CSMD3: variants seen among roughly 807,000 people sequenced by gnomAD.
CSMD3 encodes the protein CUB and sushi domain-containing protein 3.
CSMD3 carries 177 observed loss-of-function variants against 435.2 expected under a neutral mutation model. The observed-to-expected ratio is 0.41, with a 90% CI of 0.36 to 0.46. The LOEUF is 0.46. CSMD3 is among the 20% of genes least tolerant of loss of function. The pLI, the probability that CSMD3 is intolerant of heterozygous loss-of-function variation, is 0.34. For missense variants in CSMD3, 4,265 were observed against 4,504.6 expected, an observed-to-expected ratio of 0.95 and a Z score of 1.52; for synonymous variants, 1,656 against 1,520.5, an observed-to-expected ratio of 1.09 and a Z score of -2.07.
intron 22 of CSMD3, among the ~76,000 whole-genome samples, chr8:112,632,878 AAACAAGTGAT>A (rs1375278221): frequency 1.3e-5 from 2 of 151,826 alleles, no homozygotes; most frequent in African/African-American, 4.8e-5. Flanking sequence ...GTTGCCACTT[AAACAAGTGAT>A]CAGATATTCA....
At chr8:112,616,805 G>A (rs1833693814) in intron 22 of CSMD3, among the ~76,000 whole-genome samples, 1 of 152,154 alleles carries the variant, frequency 6.6e-6, no homozygotes, top group Admixed American at 6.6e-5. Flanking sequence ...CATGTATATT[G>A]AAGGGAAGGA....
intron 3 of CSMD3, among the ~76,000 whole-genome samples, chr8:113,208,421 T>C (rs944603896): frequency 1.3e-5 from 2 of 152,166 alleles, no homozygotes; most frequent in Admixed American, 6.6e-5. Context: ...GTAGATTGGA[T>C]GTACAGAGTA....
At chr8:112,899,662 T>TGCAC (rs2082054040) in intron 10 of CSMD3, among the ~76,000 whole-genome samples, 1 of 121,690 alleles carries the variant, frequency 8.2e-6, no homozygotes, top group African/African-American at 3.0e-5. Context: ...CGCAAATACA[T>TGCAC]ACACACACAC....
chr8:112,628,296 C>T (rs1273220780), intron 22 of CSMD3, among the ~76,000 whole-genome samples: 6 of 152,068 alleles, frequency 3.9e-5, no homozygotes, highest in Admixed American at 1.3e-4. Context: ...CATTTTCTCA[C>T]CATATTCAAT....
chr8:112,989,043 T>A (rs1205749199), intron 6 of CSMD3, among the ~76,000 whole-genome samples: 1 of 152,020 alleles, frequency 6.6e-6, no homozygotes, highest in Non-Finnish European at 1.5e-5. Context: ...AACAAGAATT[T>A]GTCGAGTGCT....
At chr8:112,610,874 T>C (rs138938461) in intron 22 of CSMD3, among the ~76,000 whole-genome samples, 7 of 152,288 alleles carry the variant, frequency 4.6e-5, no homozygotes, top group African/African-American at 1.4e-4. Flanking sequence ...TTGGCCAATG[T>C]ATTAAATATC....
intron 13 of CSMD3, among the ~76,000 whole-genome samples, chr8:112,753,470 G>A (rs1432235373): frequency 6.6e-6 from 1 of 152,152 alleles, no homozygotes; most frequent in Admixed American, 6.5e-5. Context: ...GCAGGGTCAG[G>A]GTTGATAGGC....
intron 22 of CSMD3, among the ~76,000 whole-genome samples, chr8:112,599,669 C>T (rs1832127904): frequency 6.6e-6 from 1 of 151,458 alleles, no homozygotes; most frequent in South Asian, 2.1e-4. Flanking sequence ...CACATATACA[C>T]CATGGAATAC....
chr8:113,286,137 C>T (rs574159641), intron 2 of CSMD3, among the ~76,000 whole-genome samples: 3 of 152,092 alleles, frequency 2.0e-5, no homozygotes, highest in African/African-American at 7.2e-5. Context: ...TTATGTTTTA[C>T]TAGACAAGAA....
At chr8:113,052,797 G>A (rs956349390) in intron 5 of CSMD3, among the ~76,000 whole-genome samples, 1 of 152,138 alleles carries the variant, frequency 6.6e-6, no homozygotes, top group Non-Finnish European at 1.5e-5. Context: ...AGTGACCTCT[G>A]TTGTTTCACA....
chr8:113,025,009 TTGAGA>T (rs1315889336), intron 5 of CSMD3, among the ~76,000 whole-genome samples: 1 of 137,800 alleles, frequency 7.3e-6, no homozygotes, highest in Non-Finnish European at 1.5e-5. Flanking sequence ...GTTGTTTCAC[TTGAGA>T]TAACTGTCTC....
intron 22 of CSMD3, among the ~76,000 whole-genome samples, chr8:112,601,885 T>G (rs1048928775): frequency 6.6e-6 from 1 of 152,224 alleles, no homozygotes; most frequent in Non-Finnish European, 1.5e-5. Context: ...AAATTATACT[T>G]AATCCTAAAC....
At chr8:113,329,685 G>A (rs891950086) in intron 1 of CSMD3, among the ~76,000 whole-genome samples, 1 of 139,402 alleles carries the variant, frequency 7.2e-6, no homozygotes, top group African/African-American at 2.7e-5. Flanking sequence ...ACACATCACA[G>A]TGAAACTGTT....
chr8:112,472,131 T>C (rs1818577888), intron 32 of CSMD3, among the ~76,000 whole-genome samples: 2 of 152,328 alleles, frequency 1.3e-5, no homozygotes, highest in South Asian at 2.1e-4. Flanking sequence ...AGAAACTAGA[T>C]GCTTAAAACC....
chr8:112,284,453 C>T (rs1563736614), intron 58 of CSMD3, among the ~76,000 whole-genome samples: 1 of 151,724 alleles, frequency 6.6e-6, no homozygotes, highest in Non-Finnish European at 1.5e-5. Flanking sequence ...CATACTTTCA[C>T]TTAAATGAAT....
chr8:113,281,598 G>A (rs1254968643), intron 2 of CSMD3, among the ~76,000 whole-genome samples: 5 of 151,734 alleles, frequency 3.3e-5, no homozygotes, highest in Non-Finnish European at 7.4e-5. Context: ...TGGTTGGTGA[G>A]TTCTTACTCA....
At position 113,148,877 on chromosome 8, in the gene CSMD3, TTAC is replaced by T. The variant is rs199515916; in HGVS notation, c.709+24842_709+24844del. Among the ~76,000 whole-genome samples, 1,267 of 151,814 alleles carry T rather than the reference TTAC, an allele frequency of 8.3e-3. 16 individuals carry two copies. Among genetic ancestry groups the T allele is most frequent in the African/African-American group, 0.029 (1,209 of 41,482 alleles). ...AAGATCTCAAGTGAAGCAACAGTAT[TTAC>T]TTTAATTACAGTTTTCTAAAGATTT... On this transcript the variant is annotated intron_variant, in intron 4 of 70. Transcript: ENST00000297405.
At chr8:112,528,109 G>C (rs961702831) in intron 27 of CSMD3, among the ~76,000 whole-genome samples, 1 of 152,052 alleles carries the variant, frequency 6.6e-6, no homozygotes, top group African/African-American at 2.4e-5. Context: ...TACACTGTAT[G>C]CAAGTTGCAA....
At chr8:112,656,446 T>C (rs2075259990) in intron 17 of CSMD3, 105 bp from the exon 18 acceptor site, 1 of 787,038 alleles carries the variant, frequency 1.3e-6, no homozygotes, top group South Asian at 2.2e-5. Context: ...TTTTCCATTT[T>C]ATATTATAAT....
Sources: gnomAD v4.1 joint callset for allele counts (sites outside exome capture counted in the v4.1 genomes callset) on GRCh38, gnomAD v4.1.1 for gene constraint, MANE v1.5 for transcripts, NCBI Gene and HGNC (gene_info 2026-07-23, HGNC 2026-07-21) for gene names.